Variants in L3MBTL4 observed in about 807,000 individuals in gnomAD.
The protein encoded by L3MBTL4 is L3MBTL histone methyl-lysine binding protein 4, also known as lethal(3)malignant brain tumor-like protein 4.
L3MBTL4 carries 70 observed loss-of-function variants against 84.5 expected under a neutral mutation model. That is an observed-to-expected ratio of 0.83 (90% CI 0.68 to 1.01). L3MBTL4 has a LOEUF of 1.01. Among genes scored for constraint, L3MBTL4 ranks in the 50% least tolerant of loss-of-function variants. L3MBTL4 has a pLI of 0.00. For missense variants in L3MBTL4, 715 were observed against 754.8 expected (o/e 0.95, Z 0.62); for synonymous variants, 274 against 259.8 (o/e 1.05, Z -0.52).
intron 5 of L3MBTL4, chr18:6,256,695 T>C (rs1005489736): frequency 3.3e-5 from 5 of 152,006 alleles, no homozygotes; most frequent in Non-Finnish European, 5.9e-5. Flanking sequence ...ATAAAGTTGG[T>C]GAGTCATCAG....
At chr18:6,250,519 G>A (rs931107820) in intron 5 of L3MBTL4, among the ~76,000 whole-genome samples, 23 of 152,182 alleles carry the variant, frequency 1.5e-4, no homozygotes, top group Admixed American at 4.6e-4. Context: ...ACGGAAGAGC[G>A]CTCAAGTGAT....
chr18:6,089,198 G>C (rs1204769936), intron 15 of L3MBTL4, among the ~76,000 whole-genome samples: 1 of 152,092 alleles, frequency 6.6e-6, no homozygotes, highest in Non-Finnish European at 1.5e-5. Flanking sequence ...GCATTCCAAA[G>C]TAATTTTCTT....
At chr18:6,100,445 G>A (rs1568120741) in intron 14 of L3MBTL4, among the ~76,000 whole-genome samples, 1 of 152,040 alleles carries the variant, frequency 6.6e-6, no homozygotes, top group Non-Finnish European at 1.5e-5. Flanking sequence ...CTTTATAAGA[G>A]CTGCTTTAAT....
At chr18:6,226,235 C>A (rs908972052) in intron 10 of L3MBTL4, among the ~76,000 whole-genome samples, 2 of 151,916 alleles carry the variant, frequency 1.3e-5, no homozygotes, top group African/African-American at 2.4e-5. Context: ...GGCGAAACCC[C>A]ATCTCTACTA....
intron 14 of L3MBTL4, among the ~76,000 whole-genome samples, chr18:6,094,498 A>G (rs935589102): frequency 6.6e-6 from 1 of 152,160 alleles, no homozygotes; most frequent in African/African-American, 2.4e-5. Flanking sequence ...GGTAGCTGTT[A>G]TTGCCATCAT....
intron 13 of L3MBTL4, among the ~76,000 whole-genome samples, chr18:6,152,338 T>C (rs565415779): frequency 6.6e-6 from 1 of 152,188 alleles, no homozygotes. Flanking sequence ...TACCAATTTA[T>C]ATTCCTATTA....
At chr18:6,127,323 T>C (rs562414555) in intron 14 of L3MBTL4, among the ~76,000 whole-genome samples, 1 of 152,258 alleles carries the variant, frequency 6.6e-6, no homozygotes, top group Non-Finnish European at 1.5e-5. Flanking sequence ...CTGTCGTTAG[T>C]GGTAGTATAT....
chr18:6,398,863 C>T (rs1178860165), intron 1 of L3MBTL4, among the ~76,000 whole-genome samples: 1 of 152,088 alleles, frequency 6.6e-6, no homozygotes, highest in African/African-American at 2.4e-5. Context: ...TGCTTCCCAT[C>T]CTAAGGCCAC....
intron 13 of L3MBTL4, among the ~76,000 whole-genome samples, chr18:6,162,120 T>C (rs888226013): frequency 4.6e-5 from 7 of 152,220 alleles, no homozygotes; most frequent in Middle Eastern, 3.4e-3. Flanking sequence ...CTACCTCATA[T>C]TTTCTTTTGA....
At position 6,072,880 on chromosome 18, in the gene L3MBTL4, AAATATATATATATATATAT is replaced by A. The variant is rs2057722279; in HGVS notation, c.1444+7982_1444+8000del. Among the ~76,000 whole-genome samples, 3 of 43,244 alleles carry A rather than the reference AAATATATATATATATATAT, an allele frequency of 6.9e-5. 1 individual carries two copies. The highest frequency in any genetic ancestry group is 1.1e-3 in the East Asian group (2 of 1,798). The allele number at this position is 43,244 out of a possible 152,430, so 28.4% of individuals were successfully genotyped here. On this transcript the variant is annotated intron_variant, in intron 16 of 18. Coordinates refer to ENST00000317931, the MANE Select transcript of L3MBTL4 (RefSeq NM_001330559.2). ...GACTCCGTCTCAAAAAAAAAAAAAAAAATATATATATATATATATATATATATATATATATATATATATA... is the reference window on the plus strand; with the variant it reads ...GACTCCGTCTCAAAAAAAAAAAAAAAATATATATATATATATATATATATA...
At chr18:6,028,529 G>T (rs961448350) in intron 16 of L3MBTL4, among the ~76,000 whole-genome samples, 1 of 152,084 alleles carries the variant, frequency 6.6e-6, no homozygotes. Context: ...GCTCTTTTCT[G>T]GTTCCATATG....
chr18:6,341,959 T>G (rs1458434417), intron 1 of L3MBTL4, among the ~76,000 whole-genome samples: 1 of 152,036 alleles, frequency 6.6e-6, no homozygotes, highest in African/African-American at 2.4e-5. Flanking sequence ...GCAGAAACCT[T>G]GCAGTTCAAG....
At chr18:6,278,339 G>A (rs1255716111) in intron 4 of L3MBTL4, among the ~76,000 whole-genome samples, 1 of 151,996 alleles carries the variant, frequency 6.6e-6, no homozygotes, top group Non-Finnish European at 1.5e-5. Flanking sequence ...ATTACATGGC[G>A]AGTCATGTAG....
At chr18:6,346,881 T>C (rs1273045764) in intron 1 of L3MBTL4, among the ~76,000 whole-genome samples, 6 of 152,162 alleles carry the variant, frequency 3.9e-5, no homozygotes, top group Non-Finnish European at 8.8e-5. Flanking sequence ...TACTCCCATA[T>C]TCACTGCAGC....
intron 5 of L3MBTL4, among the ~76,000 whole-genome samples, chr18:6,251,449 C>T (rs1366569593): frequency 6.6e-6 from 1 of 152,180 alleles, no homozygotes; most frequent in Non-Finnish European, 1.5e-5. Context: ...ACATAGATGC[C>T]TTTTAACATT....
chr18:6,058,629 T>C (rs1157153280), intron 16 of L3MBTL4, among the ~76,000 whole-genome samples: 1 of 152,134 alleles, frequency 6.6e-6, no homozygotes, highest in Non-Finnish European at 1.5e-5. Context: ...CCTGGGGACA[T>C]TTCCCTTTAG....
Position 6,400,715 on chromosome 18 carries a change from G to C in L3MBTL4, c.-91+14086C>G, listed in dbSNP as rs114007492. On this transcript the variant is annotated intron_variant, in intron 1 of 18. Transcript: ENST00000317931. ...GCGTGAGACACCACACCCGGCACAG[G>C]ATTTTGTAAACTACTTGGGAGGCAT... Among the ~76,000 whole-genome samples, 768 of 152,216 alleles carry C rather than the reference G, an allele frequency of 5.0e-3. 4 individuals are homozygous for C. Among genetic ancestry groups the C allele is most frequent in the African/African-American group, 0.018 (732 of 41,540 alleles).
chr18:6,195,844 C>T (rs1242642606), intron 12 of L3MBTL4, among the ~76,000 whole-genome samples: 2 of 152,130 alleles, frequency 1.3e-5, no homozygotes, highest in African/African-American at 4.8e-5. Context: ...TTTTTCACAA[C>T]TCTTTGCAAA....
At chr18:6,144,485 T>C (rs1029001060) in intron 13 of L3MBTL4, among the ~76,000 whole-genome samples, 3 of 152,214 alleles carry the variant, frequency 2.0e-5, no homozygotes, top group South Asian at 4.1e-4. Context: ...AATATGCTTG[T>C]AAACTAAGAA....
Sources: allele counts gnomAD v4.1 joint callset (sites outside exome capture counted in the v4.1 genomes callset), GRCh38; gene constraint gnomAD v4.1.1; transcripts MANE v1.5; gene names NCBI Gene and HGNC (gene_info 2026-07-23, HGNC 2026-07-21).